HS3ST3A1: variants seen among roughly 807,000 people sequenced by gnomAD.
HS3ST3A1 encodes the protein heparan sulfate glucosamine 3-O-sulfotransferase 3A1.
A neutral mutation model predicts 25.7 loss-of-function variants in HS3ST3A1; 19 were observed. The observed-to-expected ratio is 0.74, with a 90% CI of 0.52 to 1.08. The LOEUF (loss-of-function observed/expected upper bound fraction) is 1.08, where lower values mean the gene tolerates loss of function less well. Among genes scored for constraint, HS3ST3A1 ranks in the 50% least tolerant of loss-of-function variants. The probability of loss-of-function intolerance (pLI) is 0.00; values close to 1 mark genes in which losing one functional copy is unlikely to be tolerated. For synonymous variants in HS3ST3A1, 226 were observed against 278.6 expected (o/e 0.81, Z 1.88); for missense variants, 459 against 594.3 (o/e 0.77, Z 2.37).
intron 1 of HS3ST3A1, among the ~76,000 whole-genome samples, chr17:13,535,701 T>C (rs1906752047): frequency 6.6e-6 from 1 of 152,166 alleles, no homozygotes; most frequent in South Asian, 2.1e-4. Flanking sequence ...AGGCCAAATA[T>C]ATTGGGATGT....
intron 1 of HS3ST3A1, among the ~76,000 whole-genome samples, chr17:13,593,873 T>C (rs1200241276): frequency 6.6e-6 from 1 of 152,186 alleles, no homozygotes; most frequent in East Asian, 1.9e-4. Flanking sequence ...TTAACTAAAC[T>C]GCATACACTA....
intron 1 of HS3ST3A1, among the ~76,000 whole-genome samples, chr17:13,590,674 G>T (rs1479530075): frequency 6.6e-6 from 1 of 152,128 alleles, no homozygotes; most frequent in African/African-American, 2.4e-5. Flanking sequence ...TCCAGTAAAG[G>T]CTTGGTGTTA....
intron 1 of HS3ST3A1, among the ~76,000 whole-genome samples, chr17:13,577,521 A>T (rs1457497243): frequency 6.6e-6 from 1 of 152,214 alleles, no homozygotes; most frequent in Non-Finnish European, 1.5e-5. Flanking sequence ...TGAGAGCTTG[A>T]GGACATTCAT....
rs762390511 is a variant in HS3ST3A1, at chr17:13,503,462, T to G, written c.600-6644A>C. ...GCTCACAACACTAAAAAGTAATAAA[T>G]GTTTGAGGTGATGGATATGCTAACT... is the stretch of plus-strand genomic sequence containing the variant. On this transcript the variant is annotated intron_variant, in intron 1 of 1. Transcript: ENST00000284110. Among the ~76,000 whole-genome samples, 5 of 152,154 alleles carry G rather than the reference T, an allele frequency of 3.3e-5. No individual in the cohort carries two copies. The South Asian group carries it at 8.3e-4, about 25-fold the overall frequency.
chr17:13,527,572 A>G (rs1051719098), intron 1 of HS3ST3A1, among the ~76,000 whole-genome samples: 3 of 152,126 alleles, frequency 2.0e-5, no homozygotes, highest in African/African-American at 4.8e-5. Context: ...TCCCCACAGC[A>G]CAAAGATTGC....
intron 1 of HS3ST3A1, among the ~76,000 whole-genome samples, chr17:13,599,065 A>G (rs1346042653): frequency 6.6e-6 from 1 of 152,138 alleles, no homozygotes; most frequent in Non-Finnish European, 1.5e-5. Flanking sequence ...GATGGAAAAA[A>G]CAGAGCTGCC....
intron 1 of HS3ST3A1, among the ~76,000 whole-genome samples, chr17:13,527,384 T>C (rs957545914): frequency 2.6e-5 from 4 of 152,192 alleles, no homozygotes; most frequent in African/African-American, 9.7e-5. Context: ...AAAATTCCCC[T>C]AATTGCTCTG....
rs71144977 is a variant in HS3ST3A1, at chr17:13,585,186, C to CTTTTTTTTTTTTTTTTTT, written c.599+15327_599+15344dup. 7.8e-4 allele frequency among the ~76,000 whole-genome samples: 26 copies of CTTTTTTTTTTTTTTTTTT among 33,246 alleles called. 6 individuals are homozygous for CTTTTTTTTTTTTTTTTTT. Among genetic ancestry groups the CTTTTTTTTTTTTTTTTTT allele is most frequent in the East Asian group, 5.6e-3 (4 of 716 alleles). 21.8% of individuals were successfully genotyped at this position (33,246 alleles called of 152,430 possible). ...CAATCTAAATACTCATTTTTCTGTG[C>CTTTTTTTTTTTTTTTTTT]TTTTTTTTTTTTTTTTTTTTTTTTT... On this transcript the variant is annotated intron_variant, in intron 1 of 1. Coordinates refer to ENST00000284110, the MANE Select transcript of HS3ST3A1 (RefSeq NM_006042.3).
intron 1 of HS3ST3A1, among the ~76,000 whole-genome samples, chr17:13,532,055 C>T (rs971787116): frequency 2.0e-5 from 3 of 152,180 alleles, no homozygotes; most frequent in Admixed American, 6.5e-5. Flanking sequence ...CTTGAATTAG[C>T]GGCTGGTAGT....
intron 1 of HS3ST3A1, among the ~76,000 whole-genome samples, chr17:13,514,486 C>T (rs913712083): frequency 4.6e-5 from 7 of 152,184 alleles, no homozygotes; most frequent in South Asian, 2.1e-4. Context: ...AGTACTGACA[C>T]GCCACCTACA....
At chr17:13,587,194 G>C (rs139794868) in intron 1 of HS3ST3A1, among the ~76,000 whole-genome samples, 2,110 of 151,992 alleles carry the variant, frequency 0.014, 90 homozygotes, top group East Asian at 0.12. Flanking sequence ...GGTGGTTCAC[G>C]CCTGTAATCC....
chr17:13,575,827 G>A (rs777802098), intron 1 of HS3ST3A1, among the ~76,000 whole-genome samples: 1 of 152,220 alleles, frequency 6.6e-6, no homozygotes, highest in African/African-American at 2.4e-5. Context: ...GATTGGGGGA[G>A]CTAGAAACAT....
In HS3ST3A1 at chr17:13,533,598, A is replaced by G. The variant is rs181215485; in HGVS notation, c.600-36780T>C. Among the ~76,000 whole-genome samples the G allele has an allele frequency of 1.5e-3, 234 of 151,886 alleles. 2 individuals are homozygous for G. Among genetic ancestry groups the G allele is most frequent in the African/African-American group, 5.4e-3 (226 of 41,486 alleles). On this transcript the variant is annotated intron_variant, in intron 1 of 1. Coordinates refer to ENST00000284110, the MANE Select transcript of HS3ST3A1 (RefSeq NM_006042.3). ...TGCAAAGAATTTAAATCAAAATAAC[A>G]AAAAGCAGGAGAAATCTGATTGCAT...
At chr17:13,539,268 G>A (rs1906858090) in intron 1 of HS3ST3A1, among the ~76,000 whole-genome samples, 1 of 152,190 alleles carries the variant, frequency 6.6e-6, no homozygotes, top group Non-Finnish European at 1.5e-5. Flanking sequence ...AAATCCCAAG[G>A]CCAGCTCAAA....
chr17:13,577,645 T>G (rs567384074), intron 1 of HS3ST3A1, among the ~76,000 whole-genome samples: 6 of 152,244 alleles, frequency 3.9e-5, no homozygotes, highest in African/African-American at 1.4e-4. Context: ...AATCACCAAA[T>G]TTGACATTTT....
intron 1 of HS3ST3A1, among the ~76,000 whole-genome samples, chr17:13,501,613 A>T (rs1905478729): frequency 6.6e-6 from 1 of 152,114 alleles, no homozygotes; most frequent in South Asian, 2.1e-4. Flanking sequence ...CATGATCACT[A>T]GATAGTAATT....
chr17:13,587,116 G>A (rs868334659), intron 1 of HS3ST3A1, among the ~76,000 whole-genome samples: 7 of 151,476 alleles, frequency 4.6e-5, no homozygotes, highest in East Asian at 3.9e-4. Flanking sequence ...CCATTGGACT[G>A]TGCTGTCCTT....
In HS3ST3A1 at chr17:13,495,524, G is replaced by A. The variant is rs1905241875; in HGVS notation, c.*673C>T. Among the ~76,000 whole-genome samples, 1 of 152,062 alleles carries A rather than the reference G, an allele frequency of 6.6e-6. No individual in the cohort carries two copies. Among genetic ancestry groups the A allele is most frequent in the Non-Finnish European group, 1.5e-5 (1 of 68,012 alleles). On this transcript the variant is annotated 3_prime_UTR_variant, in exon 2 of 2. Coordinates refer to ENST00000284110, the MANE Select transcript of HS3ST3A1 (RefSeq NM_006042.3). ...AGATGTCTTCTTTTCCATTCTCCCT[G>A]GAAAAAGTGACATGAAATAGGGAAC...
At chr17:13,554,669 T>C (rs191236282) in intron 1 of HS3ST3A1, among the ~76,000 whole-genome samples, 8 of 152,318 alleles carry the variant, frequency 5.3e-5, no homozygotes, top group African/African-American at 1.7e-4. Flanking sequence ...GTTCGAAGCA[T>C]GCTCAGCCTC....
Sources: allele counts gnomAD v4.1 joint callset (sites outside exome capture counted in the v4.1 genomes callset), GRCh38; gene constraint gnomAD v4.1.1; transcripts MANE v1.5; gene names NCBI Gene and HGNC (gene_info 2026-07-23, HGNC 2026-07-21).